BMAL1: variants seen among roughly 807,000 people sequenced by gnomAD.
BMAL1 encodes the protein basic helix-loop-helix ARNT-like protein 1.
the BMAL1 span, among the ~76,000 whole-genome samples, chr11:13,358,029 C>G: frequency 6.6e-6 from 1 of 152,246 alleles, no homozygotes; most frequent in East Asian, 1.9e-4. Flanking sequence ...GGGCTCCTCA[C>G]AGACCTCAGG....
the BMAL1 span, among the ~76,000 whole-genome samples, chr11:13,322,380 A>G: frequency 1.3e-5 from 2 of 151,614 alleles, no homozygotes; most frequent in South Asian, 2.1e-4. Context: ...TTGTTAAGAA[A>G]CTCCTCAAAG....
At chr11:13,354,282 C>T in the BMAL1 span, 1 of 1,397,802 alleles carries the variant, frequency 7.2e-7, no homozygotes, top group East Asian at 3.8e-5. Flanking sequence ...CACCTTTGTG[C>T]CTCTTGTAAC....
At chr11:13,365,473 A>G in the BMAL1 span, 1 of 1,597,120 alleles carries the variant, frequency 6.3e-7, no homozygotes, top group Non-Finnish European at 8.6e-7. Context: ...CAGTATGAGA[A>G]ATTGATTATC....
At chr11:13,375,030 C>CT in the BMAL1 span, among the ~76,000 whole-genome samples, 2 of 152,190 alleles carry the variant, frequency 1.3e-5, no homozygotes, top group Non-Finnish European at 2.9e-5. Flanking sequence ...CCCTCCTTCT[C>CT]TTGGCAAACT....
the BMAL1 span, chr11:13,376,693 C>T: frequency 6.2e-7 from 1 of 1,614,076 alleles, no homozygotes. Context: ...ACAGCATCCC[C>T]CCACAGCATG....
At chr11:13,382,029 C>T in the BMAL1 span, among the ~76,000 whole-genome samples, 1 of 152,218 alleles carries the variant, frequency 6.6e-6, no homozygotes, top group East Asian at 1.9e-4. Flanking sequence ...TCCTAGGGCA[C>T]AAACCATCAA....
chr11:13,287,915 GAAGAGCAGA>G, the BMAL1 span, among the ~76,000 whole-genome samples: 1 of 152,324 alleles, frequency 6.6e-6, no homozygotes, highest in African/African-American at 2.4e-5. Flanking sequence ...AGACCCAAAG[GAAGAGCAGA>G]AATTGTTGTT....
the BMAL1 span, among the ~76,000 whole-genome samples, chr11:13,288,248 C>T: frequency 1.3e-5 from 2 of 152,072 alleles, no homozygotes; most frequent in Non-Finnish European, 2.9e-5. Context: ...TTTTAGACAC[C>T]TAGTGACTTG....
chr11:13,316,597 T>G, the BMAL1 span, among the ~76,000 whole-genome samples: 1 of 152,140 alleles, frequency 6.6e-6, no homozygotes, highest in Non-Finnish European at 1.5e-5. Context: ...CTACCTAGAT[T>G]CCAGCCAGCT....
the BMAL1 span, among the ~76,000 whole-genome samples, chr11:13,312,326 C>T: frequency 9.2e-5 from 14 of 152,300 alleles, no homozygotes; most frequent in Admixed American, 8.5e-4. Context: ...GCTTATGCTG[C>T]TTCCTACTTT....
chr11:13,295,970 C>A, the BMAL1 span, among the ~76,000 whole-genome samples: 1 of 152,098 alleles, frequency 6.6e-6, no homozygotes, highest in Non-Finnish European at 1.5e-5. Context: ...ATATTTTTGC[C>A]TTGGTGTTAG....
the BMAL1 span, chr11:13,379,938 T>C: frequency 6.6e-6 from 1 of 152,214 alleles, no homozygotes; most frequent in East Asian, 1.9e-4. Context: ...CAAAGTCTTG[T>C]GTTACGCTTT....
chr11:13,326,494 A>C, the BMAL1 span: 1 of 152,154 alleles, frequency 6.6e-6, no homozygotes, highest in Non-Finnish European at 1.5e-5. Context: ...CATTCTCTCT[A>C]ATCCTTACCA....
chr11:13,337,998 A>T, the BMAL1 span, among the ~76,000 whole-genome samples: 121 of 152,298 alleles, frequency 7.9e-4, no homozygotes, highest in African/African-American at 2.9e-3. Flanking sequence ...TAGCATGAAA[A>T]AAAAGCCTGG....
chr11:13,284,148 A>G, the BMAL1 span, among the ~76,000 whole-genome samples: 813 of 31,304 alleles, frequency 0.026, 75 homozygotes, highest in African/African-American at 0.064. Flanking sequence ...ATATATGTGT[A>G]TATATATATA....
At chr11:13,371,802 TGTAC>T in the BMAL1 span, among the ~76,000 whole-genome samples, 2 of 152,334 alleles carry the variant, frequency 1.3e-5, no homozygotes, top group East Asian at 3.9e-4. Flanking sequence ...TCTGTGCCTG[TGTAC>T]GTCATCAGCC....
chr11:13,357,424 CT>C, the BMAL1 span, among the ~76,000 whole-genome samples: 9 of 152,248 alleles, frequency 5.9e-5, no homozygotes, highest in African/African-American at 2.2e-4. The surrounding 1 kb of genome is among the most constrained non-coding windows in gnomAD (Gnocchi z 4.8). Context: ...GGAGACATGG[CT>C]CAGTGATTTG....
chr11:13,356,938 C>A, the BMAL1 span: 1 of 1,587,472 alleles, frequency 6.3e-7, no homozygotes, highest in South Asian at 1.1e-5. Flanking sequence ...AACCCCCAGT[C>A]CCCTTGTGTG....
At chr11:13,287,260 A>T in the BMAL1 span, among the ~76,000 whole-genome samples, 1 of 152,236 alleles carries the variant, frequency 6.6e-6, no homozygotes. Flanking sequence ...AGGGTAAGGG[A>T]TGCCTCATAG....
Sources: allele counts gnomAD v4.1 joint callset (sites outside exome capture counted in the v4.1 genomes callset), GRCh38; gene constraint gnomAD v4.1.1; non-coding constraint Gnocchi (gnomAD v3.1); transcripts MANE v1.5; gene names NCBI Gene and HGNC (gene_info 2026-07-23, HGNC 2026-07-21).